Variants in VBP1 observed in about 807,000 individuals in gnomAD.
VBP1 encodes the protein VHL binding protein 1.
A neutral mutation model predicts 15.5 loss-of-function variants in VBP1; 4 were observed. The observed-to-expected ratio is 0.26, with a 90% CI of 0.13 to 0.59. The LOEUF (loss-of-function observed/expected upper bound fraction) is 0.59. VBP1 is among the 20% of genes least tolerant of loss of function. The probability of loss-of-function intolerance (pLI) is 0.90; values close to 1 mark genes in which losing one functional copy is unlikely to be tolerated. For synonymous variants in VBP1, 61 were observed against 52.1 expected (o/e 1.17, Z -0.74); for missense variants, 108 against 139.6 (o/e 0.77, Z 1.14).
chrX:155,215,392 C>T (rs2074658754), upstream of VBP1, among the ~76,000 whole-genome samples: 1 of 111,514 alleles, frequency 9.0e-6, no homozygotes, highest in Non-Finnish European at 1.9e-5. Flanking sequence ...CAAGCCAAAT[C>T]GCATAGAAGC....
At chrX:155,228,524 A>C (rs2074730650) in intron 4 of VBP1, 42 bp downstream of exon 4, 1 of 1,089,400 alleles carries the variant, frequency 9.2e-7, no homozygotes, top group Non-Finnish European at 1.3e-6. Flanking sequence ...TTTGTAAACC[A>C]GTGTGTTTTC....
chrX:155,237,823 A>T (rs2074780982), intron 5 of VBP1, among the ~76,000 whole-genome samples: 1 of 112,021 alleles, frequency 8.9e-6, no homozygotes, highest in Non-Finnish European at 1.9e-5. Flanking sequence ...CATACTGCTT[A>T]GTTTTACCTT....
intron 5 of VBP1, among the ~76,000 whole-genome samples, chrX:155,237,487 C>T (rs182472737): frequency 2.7e-4 from 30 of 111,522 alleles, no homozygotes; most frequent in Admixed American, 2.5e-3. Context: ...AATATTTCAA[C>T]GGTTCCTTGT....
At position 155,228,378 on chromosome X, in the gene VBP1, T is replaced by C; in HGVS notation, c.286-6T>C. 1 of 1,200,968 alleles carries C rather than the reference T, an allele frequency of 8.3e-7. No homozygotes were observed. The highest frequency in any genetic ancestry group is 1.8e-5 in the South Asian group (1 of 54,850). ...TGGTACTGTCATTTTTTTTTTTGTT[T>C]TGAAGGAGTCCACCAACTCAATGGA... On this transcript the variant is annotated splice_region_variant and splice_polypyrimidine_tract_variant and intron_variant, in intron 3 of 5. Transcript: ENST00000286428.
At position 155,216,538 on chromosome X, in the gene VBP1, G is replaced by A. The variant is rs1489872460; in HGVS notation, c.56G>A (p.Arg19Gln). 1 of 1,171,129 alleles carries A rather than the reference G, an allele frequency of 8.5e-7. No homozygotes were observed. Among genetic ancestry groups the A allele is most frequent in the African/African-American group, 1.8e-5 (1 of 56,600 alleles). ...GGAGAAATGGCCACAGGGAATGGGCGGCGGCTCCACCTGGGGATTCCTGAG... is the reference window on the plus strand; with the variant it reads ...GGAGAAATGGCCACAGGGAATGGGCAGCGGCTCCACCTGGGGATTCCTGAG... ...GKGEMATGNG[R>Q]RLHLGIPEAV... Residue 19 changes from arginine (R) to glutamine (Q), a missense_variant, in exon 1 of 6, where the codon CGG becomes CAG. Coordinates refer to ENST00000286428, the MANE Select transcript of VBP1 (RefSeq NM_003372.7).
Position 155,216,471 on chromosome X carries a change from C to G in VBP1, c.-12C>G, listed in dbSNP as rs375559157. ...GCGGCCCGGGAGGCAGTCGCGCGCTCGCATCCCCAAGATGGCGGCCGTTAA... is the reference window on the plus strand; with the variant it reads ...GCGGCCCGGGAGGCAGTCGCGCGCTGGCATCCCCAAGATGGCGGCCGTTAA... On this transcript the variant is annotated 5_prime_UTR_variant, in exon 1 of 6. Coordinates refer to ENST00000286428, the MANE Select transcript of VBP1 (RefSeq NM_003372.7). 2.6e-4 allele frequency: 307 copies of G among 1,164,405 alleles called. 1 individual carries two copies. Among genetic ancestry groups the G allele is most frequent in the Non-Finnish European group, 3.4e-4 (298 of 871,696 alleles).
chrX:155,213,482 A>G (rs1272492393), upstream of VBP1: 1 of 114,756 alleles, frequency 8.7e-6, no homozygotes, highest in African/African-American at 3.2e-5. Context: ...TACAAATTTA[A>G]GTCAACTCTT....
chrX:155,236,847 C>G (rs1212753447), intron 5 of VBP1, among the ~76,000 whole-genome samples: 2 of 112,269 alleles, frequency 1.8e-5, no homozygotes, highest in Non-Finnish European at 3.8e-5. Context: ...AGTTTAATTT[C>G]ACAAGCATTT....
intron 1 of VBP1, among the ~76,000 whole-genome samples, chrX:155,217,384 A>G (rs1244406387): frequency 1.8e-5 from 2 of 112,271 alleles, no homozygotes; most frequent in Non-Finnish European, 3.8e-5. Context: ...GTAGTTGAAA[A>G]CTATTTGACT....
intron 1 of VBP1, among the ~76,000 whole-genome samples, chrX:155,202,819 G>A (rs1180093081): frequency 1.6e-4 from 18 of 109,576 alleles, no homozygotes; most frequent in Non-Finnish European, 7.6e-5. Flanking sequence ...GAGTGAACAG[G>A]CAACCTACAA....
At chrX:155,202,971 A>G (rs2074611478) in intron 1 of VBP1, among the ~76,000 whole-genome samples, 1 of 112,247 alleles carries the variant, frequency 8.9e-6, no homozygotes, top group Non-Finnish European at 1.9e-5. Context: ...CACTTCTCAA[A>G]AGAAGACATT....
At chrX:155,223,823 G>A (rs1327983487) in intron 2 of VBP1, among the ~76,000 whole-genome samples, 17 of 108,060 alleles carry the variant, frequency 1.6e-4, no homozygotes, top group African/African-American at 5.8e-4. Context: ...GGCCGGGCGG[G>A]GGCTGCCCCC....
chrX:155,232,253 G>T (rs2074750879), intron 4 of VBP1, among the ~76,000 whole-genome samples: 1 of 106,708 alleles, frequency 9.4e-6, no homozygotes, highest in Non-Finnish European at 1.9e-5. Context: ...AGACATTTAG[G>T]TCTTCTTTAT....
intron 2 of VBP1, chrX:155,227,006 A>G (rs1364706705): frequency 3.1e-5 from 4 of 127,429 alleles, no homozygotes; most frequent in Non-Finnish European, 6.6e-5. Flanking sequence ...TAAATATTTT[A>G]TGAATATTTT....
In VBP1 at chrX:155,199,258, C is replaced by T. The variant is rs782178272; in HGVS notation, c.-31+2119C>T. Among the ~76,000 whole-genome samples the T allele has an allele frequency of 4.9e-3, 534 of 109,122 alleles. 3 individuals carry two copies. Among genetic ancestry groups the T allele is most frequent in the African/African-American group, 0.017 (511 of 30,002 alleles). The allele number at this position is 109,122 out of a possible 115,157, so 94.8% of individuals were successfully genotyped here. A position where few individuals can be genotyped will look rare whatever the true frequency, so the allele number is the denominator to read the frequency against. ...ATTCAGATTCAGGAAATAAAGAGAA[C>T]GCCACAAAGATACTCCTCGAGAAGA... On this transcript the variant is annotated intron_variant, in intron 1 of 6. Transcript: ENST00000535916.
chrX:155,213,163 GA>G (rs2074650502), upstream of VBP1: 1 of 111,908 alleles, frequency 8.9e-6, no homozygotes, highest in South Asian at 3.7e-4. Flanking sequence ...GCCCCTAGGG[GA>G]AACTGCACTT....
At chrX:155,225,519 T>C (rs143992114) in intron 2 of VBP1, among the ~76,000 whole-genome samples, 24 of 112,099 alleles carry the variant, frequency 2.1e-4, no homozygotes, top group African/African-American at 7.8e-4. Context: ...TCTCTTCAGG[T>C]GAAGCAGGGT....
chrX:155,201,789 C>G (rs1307486951), intron 1 of VBP1, among the ~76,000 whole-genome samples: 83 of 109,458 alleles, frequency 7.6e-4, no homozygotes, highest in South Asian at 3.1e-3. Flanking sequence ...GAAATAAAGG[C>G]TATTCAATTA....
At chrX:155,230,688 T>C (rs1478050637) in intron 4 of VBP1, among the ~76,000 whole-genome samples, 1 of 107,117 alleles carries the variant, frequency 9.3e-6, no homozygotes, top group Admixed American at 9.9e-5. Flanking sequence ...ACTTCTCTCT[T>C]TTTTTTTTTT....
Sources: allele counts gnomAD v4.1 joint callset (sites outside exome capture counted in the v4.1 genomes callset), GRCh38; gene constraint gnomAD v4.1.1; transcripts MANE v1.5; gene names NCBI Gene and HGNC (gene_info 2026-07-23, HGNC 2026-07-21).